Variants in MTHFD1 observed in about 807,000 individuals in gnomAD.
MTHFD1 encodes methylenetetrahydrofolate dehydrogenase, cyclohydrolase and formyltetrahydrofolate synthetase 1.
Under a neutral mutation model 110.3 loss-of-function variants are expected in MTHFD1, and 44 were observed. That is an observed-to-expected ratio of 0.40 (90% CI 0.31 to 0.51). MTHFD1 has a LOEUF of 0.51. MTHFD1 is among the 20% of genes least tolerant of loss of function. MTHFD1 has a pLI of 0.60. For synonymous variants in MTHFD1, 402 were observed against 428.8 expected (o/e 0.94, Z 0.77); for missense variants, 909 against 1,173.1 (o/e 0.77, Z 3.29).
chr14:64,391,165 T>A (rs1427237546), intron 1 of MTHFD1, among the ~76,000 whole-genome samples: 1 of 152,082 alleles, frequency 6.6e-6, no homozygotes, highest in African/African-American at 2.4e-5. Flanking sequence ...TTTTCTTTCT[T>A]TCTTTCTTTT....
chr14:64,415,674 G>A lies in MTHFD1; in HGVS notation c.413G>A (p.Gly138Asp). The A allele has an allele frequency of 1.9e-6, 3 of 1,613,632 alleles. No homozygotes were observed. The highest frequency in any genetic ancestry group is 2.5e-6 in the Non-Finnish European group (3 of 1,179,606). Residue 138 changes from glycine to aspartate, a missense_variant, in exon 6 of 28, where the codon GGT becomes GAT. Transcript: ENST00000652337. ...TSINAGKLAR[G>D]DLNDCFIPCT... ...ATCAATGCTGGGAAACTTGCTAGAG[G>A]TGACCTCAATGACTGTTTCATTCCT...
chr14:64,402,870 C>T (rs2077909293), intron 2 of MTHFD1, among the ~76,000 whole-genome samples: 1 of 152,132 alleles, frequency 6.6e-6, no homozygotes, highest in Non-Finnish European at 1.5e-5. Context: ...AACCACTGTA[C>T]TTCTGTATAT....
chr14:64,391,862 C>G (rs541648391), intron 1 of MTHFD1, among the ~76,000 whole-genome samples: 59 of 152,302 alleles, frequency 3.9e-4, no homozygotes, highest in African/African-American at 1.3e-3. Flanking sequence ...ATCTTCAAAG[C>G]TCTGAGAGTC....
intron 16 of MTHFD1, 92 bp downstream of exon 16, chr14:64,435,763 C>G (rs572371812): frequency 1.2e-6 from 1 of 814,172 alleles, no homozygotes; most frequent in East Asian, 2.5e-5. Flanking sequence ...GGCTCAGAAG[C>G]TTCCATGTTG....
intron 4 of MTHFD1, among the ~76,000 whole-genome samples, chr14:64,413,987 G>T (rs982267025): frequency 2.0e-5 from 3 of 152,062 alleles, no homozygotes; most frequent in African/African-American, 7.2e-5. Context: ...GAGCCACCAT[G>T]CCCAGCTAAT....
chr14:64,419,951 G>A, intron 8 of MTHFD1, 26 bp downstream of exon 8: 1 of 1,514,386 alleles, frequency 6.6e-7, no homozygotes, highest in Non-Finnish European at 9.2e-7. Context: ...GGAGTAAGGT[G>A]GCTGCTGGTA....
At position 64,430,172 on chromosome 14, in the gene MTHFD1, C is replaced by A; in HGVS notation, c.1265-12C>A. On this transcript the variant is annotated splice_polypyrimidine_tract_variant and intron_variant, in intron 12 of 27. Transcript: ENST00000652337. Reference sequence around the variant, plus strand: ...TGCTTAACTGAGCTTCCACCCTTGACCTGTCCCCTAGGTGGCGCTGCAGGA... The same window carrying A: ...TGCTTAACTGAGCTTCCACCCTTGAACTGTCCCCTAGGTGGCGCTGCAGGA... The A allele has an allele frequency of 6.2e-7, 1 of 1,613,440 alleles. No homozygotes were observed. Among genetic ancestry groups the A allele is most frequent in the South Asian group, 1.1e-5 (1 of 91,054 alleles).
chr14:64,449,295 T>C, intron 23 of MTHFD1, 150 bp from the exon 24 acceptor site: 2 of 844,762 alleles, frequency 2.4e-6, no homozygotes, highest in East Asian at 5.1e-5. Flanking sequence ...AGCTAGTAAG[T>C]TTCGGAGCTG....
intron 20 of MTHFD1, 45 bp from the exon 21 acceptor site, chr14:64,442,217 CA>C (rs781724921): frequency 6.2e-7 from 1 of 1,614,030 alleles, no homozygotes; most frequent in Non-Finnish European, 8.5e-7. Flanking sequence ...CTTTTAACAT[CA>C]GGGGAATTGG....
rs769383563 is a variant in MTHFD1 at position 64,419,830 on chromosome 14, T to A, written c.632T>A (p.Ile211Asn). Reference sequence around the variant, plus strand: ...TACCCCTAGGTAAATAAAGGTGACATCCTGGTGGTTGCAACTGGTCAGCCT... The same window carrying A: ...TACCCCTAGGTAAATAAAGGTGACAACCTGGTGGTTGCAACTGGTCAGCCT... The part of the protein sequence containing the change: ...HLDEEVNKGD[I>N]LVVATGQPEM... Residue 211 changes from isoleucine to asparagine, a missense_variant, in exon 8 of 28, where the codon ATC becomes AAC. Coordinates refer to ENST00000652337, the MANE Select transcript of MTHFD1 (RefSeq NM_005956.4). The A allele has an allele frequency of 1.9e-6, 3 of 1,613,524 alleles. No individual in the cohort carries two copies. Among genetic ancestry groups the A allele is most frequent in the Non-Finnish European group, 2.5e-6 (3 of 1,179,536 alleles).
chr14:64,394,138 C>G (rs2077828601), intron 1 of MTHFD1, among the ~76,000 whole-genome samples: 1 of 152,158 alleles, frequency 6.6e-6, no homozygotes, highest in South Asian at 2.1e-4. Flanking sequence ...CCCTGTAAAT[C>G]CTTGACCTTG....
At chr14:64,394,980 C>T (rs945029677) in intron 1 of MTHFD1, among the ~76,000 whole-genome samples, 4 of 152,134 alleles carry the variant, frequency 2.6e-5, no homozygotes, top group Admixed American at 6.5e-5. Context: ...TCAGCTCTAG[C>T]GGCCAGATCT....
intron 21 of MTHFD1, among the ~76,000 whole-genome samples, chr14:64,442,939 A>C (rs1167797080): frequency 6.6e-6 from 1 of 152,024 alleles, no homozygotes; most frequent in East Asian, 1.9e-4. Flanking sequence ...CTCCAGCCTG[A>C]ATTTTGTATT....
At chr14:64,406,913 TCAA>T (rs1205571518) in intron 2 of MTHFD1, among the ~76,000 whole-genome samples, 13 of 152,178 alleles carry the variant, frequency 8.5e-5, no homozygotes, top group African/African-American at 3.1e-4. Context: ...TAACTCATGC[TCAA>T]AGATCTTGGG....
intron 23 of MTHFD1, 158 bp from the exon 24 acceptor site, chr14:64,449,287 C>G: frequency 1.3e-6 from 1 of 782,260 alleles, no homozygotes; most frequent in Non-Finnish European, 2.2e-6. Context: ...AAGTCACCAG[C>G]TAGTAAGTTT....
chr14:64,442,438 T>C (rs768528353), intron 21 of MTHFD1, 36 bp downstream of exon 21: 1 of 1,608,270 alleles, frequency 6.2e-7, no homozygotes, highest in Non-Finnish European at 8.5e-7. Flanking sequence ...TTATCGGCAG[T>C]GTGCTGACGG....
chr14:64,396,134 A>C (rs1380371234), intron 1 of MTHFD1, among the ~76,000 whole-genome samples: 2 of 152,020 alleles, frequency 1.3e-5, no homozygotes. Flanking sequence ...AATTATAATA[A>C]TTTTTTTAGT....
At chr14:64,454,546 C>CTTTT (rs59626407) in intron 25 of MTHFD1, among the ~76,000 whole-genome samples, 177 bp from the exon 26 acceptor site, 2 of 133,470 alleles carry the variant, frequency 1.5e-5, no homozygotes, top group Admixed American at 1.5e-4. Context: ...CCCAACAGTT[C>CTTTT]TTTTTTTTTT....
intron 16 of MTHFD1, among the ~76,000 whole-genome samples, chr14:64,437,432 CAT>C (rs201594509): frequency 0.023 from 3,547 of 152,320 alleles, 61 homozygotes; most frequent in Non-Finnish European, 0.036. Context: ...TCTCTATACT[CAT>C]AGTACTCTCA....
Sources: allele counts gnomAD v4.1 joint callset (sites outside exome capture counted in the v4.1 genomes callset), GRCh38; gene constraint gnomAD v4.1.1; transcripts MANE v1.5; gene names NCBI Gene and HGNC (gene_info 2026-07-23, HGNC 2026-07-21).